MYLK: variants seen among roughly 807,000 people sequenced by gnomAD.
MYLK encodes the protein myosin light chain kinase, smooth muscle.
A neutral mutation model predicts 203.4 loss-of-function variants in MYLK; 106 were observed. That is an observed-to-expected ratio of 0.52 (90% confidence interval 0.45 to 0.61). The LOEUF is 0.61. Among genes scored for constraint, MYLK ranks in the 20% least tolerant of loss-of-function variants. MYLK has a pLI of 0.00. For missense variants in MYLK, 2,072 were observed against 2,442.3 expected, an observed-to-expected ratio of 0.85 and a Z score of 3.20; for synonymous variants, 867 against 959.5, an observed-to-expected ratio of 0.90 and a Z score of 1.78.
At chr3:123,636,517 TG>T (rs1294641419) in intron 29 of MYLK, among the ~76,000 whole-genome samples, 1 of 152,230 alleles carries the variant, frequency 6.6e-6, no homozygotes, top group Admixed American at 6.5e-5. Flanking sequence ...ACAGCGCAGC[TG>T]GGGCTGAACA....
intron 3 of MYLK, among the ~76,000 whole-genome samples, chr3:123,826,961 C>T (rs1195419514): frequency 6.6e-6 from 1 of 152,094 alleles, no homozygotes; most frequent in Non-Finnish European, 1.5e-5. Context: ...GAAGAGGCAA[C>T]TTTTCCACCA....
rs1273544391 is a variant in MYLK at position 123,610,526 on chromosome 3, A to ACAT, written c.*3576_*3578dup. ...AAATGCTCTGGTCCCGAGGGTACAT[A>ACAT]CATCACTTCTGGTCACAGCTCACTG... On this transcript the variant is annotated 3_prime_UTR_variant, in exon 34 of 34. Coordinates refer to ENST00000360304, the MANE Select transcript of MYLK (RefSeq NM_053025.4). The ACAT allele has an allele frequency of 6.6e-6, 1 of 152,192 alleles. No individual in the cohort carries two copies. The highest frequency in any genetic ancestry group is 1.5e-5 in the Non-Finnish European group (1 of 68,052). 9.4% of individuals were successfully genotyped at this position (152,192 alleles called of 1,614,324 possible). A position where few individuals can be genotyped will look rare whatever the true frequency, so the allele number is the denominator to read the frequency against.
intron 3 of MYLK, among the ~76,000 whole-genome samples, chr3:123,830,548 A>G (rs2605417): frequency 0.14 from 21,989 of 152,156 alleles, 1,973 homozygotes; most frequent in South Asian, 0.21. Flanking sequence ...GGAAATTATC[A>G]GTATTATTTT....
chr3:123,786,790 C>A (rs2064549772), intron 4 of MYLK, among the ~76,000 whole-genome samples: 1 of 151,874 alleles, frequency 6.6e-6, no homozygotes, highest in South Asian at 2.1e-4. Context: ...TATGAACTCA[C>A]AAAAAAATAG....
At chr3:123,814,071 T>C in intron 3 of MYLK, 1 of 248,694 alleles carries the variant, frequency 4.0e-6, no homozygotes, top group South Asian at 4.8e-5. Context: ...AAAGATATCT[T>C]CCCCATGCAG....
intron 19 of MYLK, among the ~76,000 whole-genome samples, chr3:123,687,890 T>C (rs1241927922): frequency 6.6e-6 from 1 of 152,172 alleles, no homozygotes; most frequent in Non-Finnish European, 1.5e-5. Context: ...CAGGCTGATA[T>C]TGAACTCCTG....
intron 3 of MYLK, among the ~76,000 whole-genome samples, chr3:123,797,261 G>C (rs929088978): frequency 2.0e-5 from 3 of 152,136 alleles, no homozygotes; most frequent in South Asian, 2.1e-4. Context: ...ATAGCATATA[G>C]TATATGTTTG....
At chr3:123,677,835 T>C (rs1360940288) in intron 20 of MYLK, among the ~76,000 whole-genome samples, 1 of 143,142 alleles carries the variant, frequency 7.0e-6, no homozygotes, top group East Asian at 2.1e-4. Flanking sequence ...ATCTCCAATT[T>C]GGCCTAAAAT....
At chr3:123,703,587 G>A (rs2061333571) in intron 16 of MYLK, among the ~76,000 whole-genome samples, 1 of 152,158 alleles carries the variant, frequency 6.6e-6, no homozygotes, top group African/African-American at 2.4e-5. Flanking sequence ...AAACCTCATG[G>A]GTGCCAGGCC....
chr3:123,730,672 TG>T (rs1334666454), intron 11 of MYLK, among the ~76,000 whole-genome samples: 1 of 152,212 alleles, frequency 6.6e-6, no homozygotes, highest in East Asian at 1.9e-4. Context: ...ACATATTGAA[TG>T]ATTCCATTTA....
intron 20 of MYLK, among the ~76,000 whole-genome samples, chr3:123,667,587 G>C (rs943932250): frequency 1.3e-5 from 2 of 150,850 alleles, no homozygotes; most frequent in African/African-American, 2.4e-5. Context: ...CTGGGTGACA[G>C]AGTGAGACTC....
intron 2 of MYLK, among the ~76,000 whole-genome samples, chr3:123,873,986 G>A (rs1276096039): frequency 6.6e-6 from 1 of 151,924 alleles, no homozygotes; most frequent in Non-Finnish European, 1.5e-5. Context: ...ATAAAATATT[G>A]ATAAGGAAAT....
chr3:123,809,135 C>A (rs917028866), intron 3 of MYLK, among the ~76,000 whole-genome samples: 1 of 152,162 alleles, frequency 6.6e-6, no homozygotes, highest in Non-Finnish European at 1.5e-5. Context: ...CCAAGGCCTA[C>A]AGAGAAGAAA....
chr3:123,875,065 A>G (rs982434013), intron 2 of MYLK, among the ~76,000 whole-genome samples: 1 of 152,190 alleles, frequency 6.6e-6, no homozygotes, highest in African/African-American at 2.4e-5. Context: ...TTTGGAAAAC[A>G]GTTTGGTATT....
At position 123,629,617 on chromosome 3, in the gene MYLK, G is replaced by C; in HGVS notation, c.4971C>G (p.Gly1657=). 3.1e-6 allele frequency: 5 copies of C among 1,613,834 alleles called. No individual in the cohort carries two copies. The highest frequency in any genetic ancestry group is 4.2e-6 in the Non-Finnish European group (5 of 1,180,034). The change falls in exon 30 of 34, where the codon GGC becomes GGG. Residue 1657 remains glycine (G), a synonymous_variant. Coordinates refer to ENST00000360304, the MANE Select transcript of MYLK (RefSeq NM_053025.4). This position sits in a 1 kb window ranked among gnomAD's most constrained non-coding sequence, Gnocchi z 4.4. Reference sequence around the variant, plus strand: ...CGTTGTCTCCCATGAAGGGGGAAAGGCCACTGACTCTGGAGAGACAAGAGC... The same window carrying C: ...CGTTGTCTCCCATGAAGGGGGAAAGCCCACTGACTCTGGAGAGACAAGAGC... The part of the protein sequence containing the change: ...IGVICYILVS[G]LSPFMGDNDN...
chr3:123,776,389 C>T (rs1185747676), intron 4 of MYLK, among the ~76,000 whole-genome samples: 5 of 152,148 alleles, frequency 3.3e-5, no homozygotes, highest in African/African-American at 1.2e-4. Context: ...CTTAAAGATG[C>T]CCGAATCCTT....
intron 3 of MYLK, among the ~76,000 whole-genome samples, chr3:123,821,061 T>C (rs1475660163): frequency 2.0e-5 from 3 of 152,164 alleles, no homozygotes; most frequent in Non-Finnish European, 4.4e-5. Flanking sequence ...TTTTCTCTCT[T>C]GCTTTCTATA....
intron 4 of MYLK, among the ~76,000 whole-genome samples, chr3:123,767,169 T>C (rs2108962342): frequency 6.6e-6 from 1 of 152,274 alleles, no homozygotes; most frequent in South Asian, 2.1e-4. Flanking sequence ...TGGCGGGGGC[T>C]GGGGCCCAGC....
intron 16 of MYLK, 94 bp from the exon 17 acceptor site, chr3:123,701,603 G>C (rs1247309416): frequency 7.6e-7 from 1 of 1,310,534 alleles, no homozygotes; most frequent in East Asian, 2.3e-5. Flanking sequence ...GGCCAGCGGG[G>C]AAGATGGAAG....
Sources: allele counts gnomAD v4.1 joint callset (sites outside exome capture counted in the v4.1 genomes callset), GRCh38; gene constraint gnomAD v4.1.1; non-coding constraint Gnocchi (gnomAD v3.1); transcripts MANE v1.5; gene names NCBI Gene and HGNC (gene_info 2026-07-23, HGNC 2026-07-21).